The following MAGI2 variants were observed in gnomAD, a reference collection of about 807,000 sequenced individuals.
MAGI2 encodes membrane-associated guanylate kinase, WW and PDZ domain-containing protein 2.
MAGI2 carries 35 observed loss-of-function variants against 133.3 expected under a neutral mutation model. That is an observed-to-expected ratio of 0.26 (90% CI 0.20 to 0.35). MAGI2 has a LOEUF of 0.35. Ranked by LOEUF, MAGI2 falls within the 10% of genes least tolerant of loss-of-function variation. MAGI2 has a pLI of 1.00. For synonymous variants in MAGI2, 729 were observed against 710.6 expected (o/e 1.03, Z -0.41); for missense variants, 1,636 against 1,863.4 (o/e 0.88, Z 2.25).
chr7:79,222,318 C>A (rs1700724918), intron 1 of MAGI2, among the ~76,000 whole-genome samples: 1 of 151,730 alleles, frequency 6.6e-6, no homozygotes. Context: ...AATATGAAAG[C>A]AATAATATAT....
chr7:79,298,142 T>A (rs969372642), intron 1 of MAGI2, among the ~76,000 whole-genome samples: 2 of 152,220 alleles, frequency 1.3e-5, no homozygotes, highest in African/African-American at 2.4e-5. Flanking sequence ...GAATACTGTC[T>A]TATTAGTTTA....
At chr7:78,455,261 A>G (rs2151492960) in intron 6 of MAGI2, among the ~76,000 whole-genome samples, 1 of 152,284 alleles carries the variant, frequency 6.6e-6, no homozygotes. Flanking sequence ...GAATTAAACA[A>G]ATTTTTTAGG....
chr7:78,685,826 A>T (rs1316211861), intron 2 of MAGI2, among the ~76,000 whole-genome samples: 1 of 152,096 alleles, frequency 6.6e-6, no homozygotes, highest in African/African-American at 2.4e-5. Context: ...AAATGTCATG[A>T]TCATCATTGT....
intron 1 of MAGI2, among the ~76,000 whole-genome samples, chr7:79,181,559 C>A (rs1826627057): frequency 6.6e-6 from 1 of 151,944 alleles, no homozygotes; most frequent in African/African-American, 2.4e-5. Context: ...AACCTCCGGG[C>A]CTGTGATGGG....
At chr7:78,556,973 C>A (rs560325397) in intron 3 of MAGI2, among the ~76,000 whole-genome samples, 2 of 151,358 alleles carry the variant, frequency 1.3e-5, no homozygotes, top group Non-Finnish European at 2.9e-5. Context: ...TGCCTGTAGT[C>A]CCAGCTACTC....
At chr7:78,201,100 T>C in intron 11 of MAGI2, 62 bp downstream of exon 11, 2 of 1,145,618 alleles carry the variant, frequency 1.7e-6, no homozygotes, top group East Asian at 2.7e-5. Context: ...ATTCAACTTT[T>C]ATTAAATGAA....
At chr7:78,552,152 A>T (rs1269806059) in intron 3 of MAGI2, among the ~76,000 whole-genome samples, 1 of 148,320 alleles carries the variant, frequency 6.7e-6, no homozygotes, top group Admixed American at 6.7e-5. Flanking sequence ...ATAACCATAG[A>T]CTTTTAGGTA....
chr7:79,046,268 G>A (rs138583943), intron 1 of MAGI2, among the ~76,000 whole-genome samples: 97 of 152,154 alleles, frequency 6.4e-4, no homozygotes, highest in Non-Finnish European at 1.1e-3. Context: ...GAGGTCATAA[G>A]GTGAGGTAAT....
chr7:78,712,395 A>G (rs1819284487), intron 2 of MAGI2, among the ~76,000 whole-genome samples: 1 of 152,212 alleles, frequency 6.6e-6, no homozygotes, highest in African/African-American at 2.4e-5. Context: ...AGCTATTTAT[A>G]AAGATTGTAT....
chr7:78,888,468 G>T (rs1425562803), intron 2 of MAGI2, among the ~76,000 whole-genome samples: 5 of 152,170 alleles, frequency 3.3e-5, no homozygotes, highest in Admixed American at 3.3e-4. Flanking sequence ...GCCTAACTGG[G>T]AGGCATCCCC....
In MAGI2 at chr7:79,310,649, C is replaced by T. The variant is rs148312555; in HGVS notation, c.301+142371G>A. ...GCAATAAAGCCGGTGATCTTGTTTC[C>T]TATTTCACTGGAATAAGGGAAGCAA... is the stretch of plus-strand genomic sequence containing the variant. On this transcript the variant is annotated intron_variant, in intron 1 of 21. Transcript: ENST00000354212. Among the ~76,000 whole-genome samples the T allele has an allele frequency of 7.6e-3, 1,153 of 152,236 alleles. 7 individuals carry two copies. The highest frequency in any genetic ancestry group is 0.013 in the Non-Finnish European group (859 of 67,992).
At chr7:78,678,462 A>G (rs1815290531) in intron 2 of MAGI2, among the ~76,000 whole-genome samples, 1 of 152,154 alleles carries the variant, frequency 6.6e-6, no homozygotes, top group Non-Finnish European at 1.5e-5. Flanking sequence ...GTAGGGTGGT[A>G]AGGTTTGCTC....
chr7:79,384,065 CAA>C (rs1226036065), intron 1 of MAGI2, among the ~76,000 whole-genome samples: 2 of 151,146 alleles, frequency 1.3e-5, no homozygotes, highest in African/African-American at 2.4e-5. Flanking sequence ...TGGGGGTAAA[CAA>C]TGCATTTAAA....
chr7:78,954,366 A>G (rs965911252), intron 2 of MAGI2, among the ~76,000 whole-genome samples: 2 of 152,080 alleles, frequency 1.3e-5, no homozygotes, highest in African/African-American at 4.8e-5. Flanking sequence ...AGAATTTTAG[A>G]TAGTATTCCT....
At chr7:78,814,979 C>T (rs947915601) in intron 2 of MAGI2, among the ~76,000 whole-genome samples, 2 of 152,170 alleles carry the variant, frequency 1.3e-5, no homozygotes, top group Non-Finnish European at 1.5e-5. Context: ...CTTCCTACTT[C>T]AGCATCCTAA....
chr7:79,200,326 C>G (rs1023232721), intron 1 of MAGI2, among the ~76,000 whole-genome samples: 4 of 151,668 alleles, frequency 2.6e-5, no homozygotes, highest in Admixed American at 1.3e-4. Flanking sequence ...CTGTTTCAAA[C>G]ACTTTCGGCC....
chr7:79,028,352 C>CAT (rs1335158134), intron 1 of MAGI2, among the ~76,000 whole-genome samples: 5 of 140,432 alleles, frequency 3.6e-5, no homozygotes, highest in African/African-American at 1.3e-4. Flanking sequence ...CACACACACA[C>CAT]ACATACACAC....
intron 1 of MAGI2, among the ~76,000 whole-genome samples, chr7:79,264,462 GTTA>G (rs1487953301): frequency 6.6e-6 from 1 of 152,020 alleles, no homozygotes; most frequent in Non-Finnish European, 1.5e-5. Context: ...ACCAATATTT[GTTA>G]TTATCTGATT....
rs60580466 is a variant in MAGI2, at chr7:78,853,332, CTTTTTTTTTTTTTTTTTTTTTTTTTTT to C, written c.418+153731_418+153757del. 2.4e-4 allele frequency among the ~76,000 whole-genome samples: 6 copies of C among 25,076 alleles called. No homozygotes were observed. The South Asian group carries it at 5.2e-3, about 22-fold the overall frequency. The allele number at this position is 25,076 out of a possible 152,430, so 16.5% of individuals were successfully genotyped here. On this transcript the variant is annotated intron_variant, in intron 2 of 21. Transcript: ENST00000354212. ...CTCATATTACTCTTGTCCATTCGTTCTTTTTTTTTTTTTTTTTTTTTTTTTTTTTTTTTTTTTTTTTGAGACAGAGTC... is the reference window on the plus strand; with the variant it reads ...CTCATATTACTCTTGTCCATTCGTTCTTTTTTTTTTTTTTGAGACAGAGTC...
Sources: gnomAD v4.1 joint callset for allele counts (sites outside exome capture counted in the v4.1 genomes callset) on GRCh38, gnomAD v4.1.1 for gene constraint, MANE v1.5 for transcripts, NCBI Gene and HGNC (gene_info 2026-07-23, HGNC 2026-07-21) for gene names.